Variants in PHF6 observed in about 807,000 individuals in gnomAD.
PHF6 encodes PHD finger protein 6, also known as PHD-like zinc finger protein.
Under a neutral mutation model 34.0 loss-of-function variants are expected in PHF6, and 7 were observed. That is an observed-to-expected ratio of 0.21 (90% CI 0.12 to 0.39). The LOEUF (loss-of-function observed/expected upper bound fraction) is 0.39. Among genes scored for constraint, PHF6 ranks in the 10% least tolerant of loss-of-function variants. The probability of loss-of-function intolerance (pLI) is 1.00; values close to 1 mark genes in which losing one functional copy is unlikely to be tolerated. For missense variants in PHF6, 128 were observed against 262.8 expected (o/e 0.49, Z 3.55); for synonymous variants, 89 against 88.4 (o/e 1.01, Z -0.04).
intron 5 of PHF6, among the ~76,000 whole-genome samples, chrX:134,402,515 C>T (rs957563990): frequency 3.6e-5 from 4 of 111,568 alleles, no homozygotes; most frequent in East Asian, 5.6e-4. Flanking sequence ...ATTATTTGAT[C>T]GCTCTCAGAG....
chrX:134,393,470 CTAA>C, intron 3 of PHF6, 28 bp from the exon 4 acceptor site: 5 of 1,203,477 alleles, frequency 4.2e-6, no homozygotes, highest in Non-Finnish European at 5.6e-6. Flanking sequence ...AAGTCACATA[CTAA>C]TAATATTATT....
At chrX:134,382,566 C>CT (rs377670545) in intron 3 of PHF6, among the ~76,000 whole-genome samples, 13,165 of 84,587 alleles carry the variant, frequency 0.16, 1,294 homozygotes, top group East Asian at 0.43. Flanking sequence ...AGCTATTCTT[C>CT]TTTTTTTTTT....
At chrX:134,415,588 A>G (rs1427941894) in intron 8 of PHF6, among the ~76,000 whole-genome samples, 1 of 112,438 alleles carries the variant, frequency 8.9e-6, no homozygotes, top group Non-Finnish European at 1.9e-5. Context: ...AACATACTGA[A>G]TTACCAACAA....
intron 9 of PHF6, among the ~76,000 whole-genome samples, chrX:134,424,970 T>C (rs1405985587): frequency 1.8e-5 from 2 of 112,129 alleles, no homozygotes; most frequent in Non-Finnish European, 3.8e-5. Context: ...ATGATAACTG[T>C]CATCCTAAAC....
intron 5 of PHF6, among the ~76,000 whole-genome samples, chrX:134,412,527 GA>G (rs748049349): frequency 9.0e-6 from 1 of 111,569 alleles, no homozygotes; most frequent in Admixed American, 9.6e-5. Context: ...CATGGTAAAG[GA>G]AAAAATGGCG....
Position 134,398,213 on chromosome X carries a change from C to A in PHF6, c.418+4261C>A, listed in dbSNP as rs143334736. ...TTTAAGACCAGCCTGGACAACATAGCGAGACCCTCTCTCTACAAAAATTTT... is the reference window on the plus strand; with the variant it reads ...TTTAAGACCAGCCTGGACAACATAGAGAGACCCTCTCTCTACAAAAATTTT... On this transcript the variant is annotated intron_variant, in intron 5 of 10. Transcript: ENST00000370803. Among the ~76,000 whole-genome samples the A allele has an allele frequency of 4.8e-4, 54 of 111,513 alleles. 1 individual carries two copies. In the East Asian group the frequency reaches 0.01, roughly 21 times the overall value.
chrX:134,385,892 A>G (rs941236762), intron 3 of PHF6, among the ~76,000 whole-genome samples: 76 of 111,824 alleles, frequency 6.8e-4, no homozygotes, highest in African/African-American at 2.2e-3. Flanking sequence ...TTAGAATTCA[A>G]CTGTTTATCA....
intron 3 of PHF6, among the ~76,000 whole-genome samples, chrX:134,378,743 G>T (rs2077290275): frequency 8.9e-6 from 1 of 112,034 alleles, no homozygotes; most frequent in Admixed American, 9.5e-5. Context: ...ACACATTATG[G>T]TTTACTTTGA....
chrX:134,406,110 C>CTTTT (rs761145296), intron 5 of PHF6, among the ~76,000 whole-genome samples: 1 of 77,019 alleles, frequency 1.3e-5, no homozygotes. Flanking sequence ...TTCTTTCTTT[C>CTTTT]TTTTTTTTTT....
rs975164893 is a variant in PHF6 at position 134,427,829 on chromosome X, G to A, written c.*2169G>A. On this transcript the variant is annotated 3_prime_UTR_variant, in exon 11 of 11. Transcript: ENST00000370803. The stretch of plus-strand genomic sequence containing the variant: ...GTTTTGATTCTCTAATCATGTTTTC[G>A]TCACATGCTGAGTAAAAGTGCCTTA... The A allele has an allele frequency of 6.4e-6, 1 of 156,884 alleles. No homozygotes were observed. The highest frequency in any genetic ancestry group is 1.2e-5 in the Non-Finnish European group (1 of 80,576). The allele number at this position is 156,884 out of a possible 1,213,427, so 12.9% of individuals were successfully genotyped here.
rs774871072 is a variant in PHF6 at position 134,412,993 on chromosome X, A to G, written c.419-498A>G. ...CCTGTGACAGTGGCAACAGTCCTGT[A>G]TATGTGCTGTCTAATACAGTTGCAA... On this transcript the variant is annotated intron_variant, in intron 5 of 10. Coordinates refer to ENST00000370803, the MANE Select transcript of PHF6 (RefSeq NM_001015877.2). Among the ~76,000 whole-genome samples, 14 of 112,044 alleles carry G rather than the reference A, an allele frequency of 1.2e-4. No individual in the cohort carries two copies. In the South Asian group the frequency reaches 5.1e-3, roughly 41 times the overall value.
chrX:134,382,982 C>T (rs962337630), intron 3 of PHF6, among the ~76,000 whole-genome samples: 6 of 110,807 alleles, frequency 5.4e-5, no homozygotes, highest in African/African-American at 2.0e-4. Context: ...TTGGCTGACA[C>T]GTGTAATCCT....
intron 9 of PHF6, among the ~76,000 whole-genome samples, chrX:134,422,848 T>C (rs2077496682): frequency 9.0e-6 from 1 of 111,564 alleles, no homozygotes; most frequent in South Asian, 3.7e-4. Context: ...ATGGGAAATA[T>C]TCTGCAAGTA....
chrX:134,410,273 C>A (rs1393624285), intron 5 of PHF6, among the ~76,000 whole-genome samples: 1 of 111,877 alleles, frequency 8.9e-6, no homozygotes, highest in Non-Finnish European at 1.9e-5. Context: ...TATAAACATT[C>A]CCTTTTCTCC....
intron 5 of PHF6, among the ~76,000 whole-genome samples, chrX:134,407,850 G>GA (rs2077432105): frequency 9.0e-6 from 1 of 111,568 alleles, no homozygotes; most frequent in South Asian, 3.9e-4. Flanking sequence ...GGAGGTCAGG[G>GA]AGGGAGGCAG....
In PHF6 at chrX:134,393,929, A is replaced by G. The variant is rs756384013; in HGVS notation, c.395A>G (p.Lys132Arg). 8.3e-6 allele frequency: 10 copies of G among 1,208,964 alleles called. No individual in the cohort carries two copies. The highest frequency in any genetic ancestry group is 1.1e-5 in the Non-Finnish European group (10 of 894,735). Residue 132 changes from lysine (K) to arginine (R), a missense_variant, in exon 5 of 11, where the codon AAG becomes AGG. Around this residue, in one of 3 missense-constraint regions of PHF6, gnomAD observed 97 missense variants for 152.9 expected, o/e 0.63. Coordinates refer to ENST00000370803, the MANE Select transcript of PHF6 (RefSeq NM_001015877.2). ...GIYMVYCRKH[K>R]KTAHNSEADL... ...TATAGGGTCTATTGCCGAAAACACA[A>G]GAAAACTGCACATAACTCCGAAGGT...
At chrX:134,401,822 CTT>C (rs1174183738) in intron 5 of PHF6, among the ~76,000 whole-genome samples, 1 of 111,714 alleles carries the variant, frequency 9.0e-6, no homozygotes, top group Non-Finnish European at 1.9e-5. Context: ...AGTTCTGAAA[CTT>C]TATATTAGAA....
At position 134,400,088 on chromosome X, in the gene PHF6, T is replaced by C. The variant is rs2077396804; in HGVS notation, c.418+6136T>C. 2.7e-5 allele frequency among the ~76,000 whole-genome samples: 3 copies of C among 111,299 alleles called. No homozygotes were observed. The South Asian group carries it at 1.1e-3, about 42-fold the overall frequency. On this transcript the variant is annotated intron_variant, in intron 5 of 10. Coordinates refer to ENST00000370803, the MANE Select transcript of PHF6 (RefSeq NM_001015877.2). Reference sequence around the variant, plus strand: ...CACTTAATTGCCTTTTATTTTTATTTATTATTTTGAGACAGGGTCTCACTC... The same window carrying C: ...CACTTAATTGCCTTTTATTTTTATTCATTATTTTGAGACAGGGTCTCACTC...
At position 134,406,851 on chromosome X, in the gene PHF6, A is replaced by T. The variant is rs147435683; in HGVS notation, c.419-6640A>T. 5.3e-3 allele frequency among the ~76,000 whole-genome samples: 590 copies of T among 112,322 alleles called. 6 individuals are homozygous for T. The highest frequency in any genetic ancestry group is 0.018 in the African/African-American group (559 of 30,943). Reference sequence around the variant, plus strand: ...ATAGATACATGAACATTGTACAAAAATCAGGCTTTCCTGTCACCCGTGCCC... The same window carrying T: ...ATAGATACATGAACATTGTACAAAATTCAGGCTTTCCTGTCACCCGTGCCC... On this transcript the variant is annotated intron_variant, in intron 5 of 10. Transcript: ENST00000370803.
Sources: gnomAD v4.1 joint callset for allele counts (sites outside exome capture counted in the v4.1 genomes callset) on GRCh38, gnomAD v4.1.1 for gene constraint, gnomAD v4.1.1 regional missense constraint, MANE v1.5 for transcripts, NCBI Gene and HGNC (gene_info 2026-07-23, HGNC 2026-07-21) for gene names.